Variants in SNTG1 observed in about 807,000 individuals in gnomAD.
The protein encoded by SNTG1 is syntrophin gamma 1, also known as gamma-1-syntrophin.
SNTG1 carries 39 observed loss-of-function variants against 74.7 expected under a neutral mutation model. That is an observed-to-expected ratio of 0.52 (90% CI 0.40 to 0.68). The LOEUF is 0.68. SNTG1 is among the 30% of genes least tolerant of loss of function. The pLI is 0.00. For missense variants in SNTG1, 685 were observed against 609.5 expected, an observed-to-expected ratio of 1.12 and a Z score of -1.30; for synonymous variants, 254 against 217.1, an observed-to-expected ratio of 1.17 and a Z score of -1.49.
Position 50,264,857 on chromosome 8 carries a change from CTA to C in SNTG1, c.-28+92224_-28+92225del, listed in dbSNP as rs948151808. On this transcript the variant is annotated intron_variant, in intron 2 of 18. Transcript: ENST00000642720. ...AGGTAAGAGAATACTATAAAAAACT[CTA>C]TGTCAACAAATTAGATAATTTAGAT... Among the ~76,000 whole-genome samples, 35 of 152,016 alleles carry C rather than the reference CTA, an allele frequency of 2.3e-4. No individual in the cohort carries two copies. In the South Asian group the frequency reaches 4.2e-3, roughly 18 times the overall value.
intron 12 of SNTG1, among the ~76,000 whole-genome samples, chr8:50,565,943 G>A (rs1453021850): frequency 1.3e-5 from 2 of 151,830 alleles, no homozygotes; most frequent in Admixed American, 1.3e-4. Context: ...AAAGTAAAGA[G>A]ATACAATCAT....
intron 1 of SNTG1, among the ~76,000 whole-genome samples, chr8:49,981,259 G>A (rs1277341203): frequency 1.3e-5 from 2 of 152,050 alleles, no homozygotes; most frequent in African/African-American, 2.4e-5. Context: ...GGAGAGACGG[G>A]AAAAAATAAA....
chr8:50,222,091 G>T (rs543102966), intron 2 of SNTG1, among the ~76,000 whole-genome samples: 173 of 152,266 alleles, frequency 1.1e-3, no homozygotes, highest in Non-Finnish European at 1.7e-3. Flanking sequence ...TGAGTGGAGA[G>T]TTGCAGGCAA....
rs188968619 is a variant in SNTG1, at chr8:50,736,063, G to T, written c.1285-15938G>T. ...GAGAAATAAAATCTTTTACAAACAA[G>T]CAAATGCTGAGAGATTTTGTCACCA... On this transcript the variant is annotated intron_variant, in intron 17 of 18. Coordinates refer to ENST00000642720, the MANE Select transcript of SNTG1 (RefSeq NM_018967.5). Among the ~76,000 whole-genome samples, 414 of 149,196 alleles carry T rather than the reference G, an allele frequency of 2.8e-3. 4 individuals are homozygous for T. Among genetic ancestry groups the T allele is most frequent in the Admixed American group, 0.025 (379 of 15,074 alleles).
At chr8:50,262,567 C>G (rs796254113) in intron 2 of SNTG1, among the ~76,000 whole-genome samples, 1 of 152,052 alleles carries the variant, frequency 6.6e-6, no homozygotes, top group African/African-American at 2.4e-5. Context: ...CACCACCACG[C>G]CCAGCTAATT....
intron 4 of SNTG1, among the ~76,000 whole-genome samples, chr8:50,418,504 C>A (rs1446502881): frequency 4.6e-5 from 7 of 151,950 alleles, no homozygotes; most frequent in Non-Finnish European, 1.0e-4. Flanking sequence ...TTACTTTTTG[C>A]ACTTGCTCTT....
At chr8:50,475,245 T>TAAA (rs1190702566) in intron 8 of SNTG1, among the ~76,000 whole-genome samples, 1 of 150,410 alleles carries the variant, frequency 6.6e-6, no homozygotes, top group African/African-American at 2.4e-5. Flanking sequence ...ATAATAATAA[T>TAAA]AAAAAAGAGC....
intron 13 of SNTG1, among the ~76,000 whole-genome samples, chr8:50,647,495 A>G (rs2131211451): frequency 6.6e-6 from 1 of 151,880 alleles, no homozygotes; most frequent in South Asian, 2.1e-4. Flanking sequence ...CAAATGGCAA[A>G]TCAGTTTCAT....
intron 8 of SNTG1, among the ~76,000 whole-genome samples, chr8:50,479,176 A>C (rs772595778): frequency 6.6e-6 from 1 of 152,172 alleles, no homozygotes; most frequent in Non-Finnish European, 1.5e-5. Flanking sequence ...TAACAAGTAC[A>C]TGCCATTTGA....
chr8:50,434,379 A>G (rs2093278130), intron 4 of SNTG1, among the ~76,000 whole-genome samples: 1 of 152,178 alleles, frequency 6.6e-6, no homozygotes, highest in Admixed American at 6.5e-5. Context: ...TAGCAGCATG[A>G]TTTATAATCC....
At chr8:50,192,942 C>T (rs927028484) in intron 2 of SNTG1, among the ~76,000 whole-genome samples, 1 of 151,940 alleles carries the variant, frequency 6.6e-6, no homozygotes, top group Non-Finnish European at 1.5e-5. Context: ...TTTGCTTTGT[C>T]GAAGATCAGT....
At chr8:50,327,929 T>C (rs1205462989) in intron 2 of SNTG1, among the ~76,000 whole-genome samples, 1 of 152,170 alleles carries the variant, frequency 6.6e-6, no homozygotes, top group African/African-American at 2.4e-5. Context: ...ATAGTTCAAA[T>C]ACCTTCTAAT....
At chr8:50,543,090 A>G (rs2094360136) in intron 11 of SNTG1, among the ~76,000 whole-genome samples, 1 of 152,058 alleles carries the variant, frequency 6.6e-6, no homozygotes, top group Non-Finnish European at 1.5e-5. Context: ...GTTTGATGTA[A>G]TAACATTTGT....
At position 50,006,822 on chromosome 8, in the gene SNTG1, T is replaced by C. The variant is rs114552673; in HGVS notation, c.-103+94591T>C. ...ACTAAGAACATTTCCAGCCTCGTGCTTGTCAAGCTACGTCTGCCAGTTGAA... is the reference window on the plus strand; with the variant it reads ...ACTAAGAACATTTCCAGCCTCGTGCCTGTCAAGCTACGTCTGCCAGTTGAA... On this transcript the variant is annotated intron_variant, in intron 1 of 18. Coordinates refer to ENST00000642720, the MANE Select transcript of SNTG1 (RefSeq NM_018967.5). Among the ~76,000 whole-genome samples, 1,225 of 152,290 alleles carry C rather than the reference T, an allele frequency of 8.0e-3. 22 individuals carry two copies. The highest frequency in any genetic ancestry group is 0.028 in the African/African-American group (1,151 of 41,562).
intron 18 of SNTG1, among the ~76,000 whole-genome samples, chr8:50,778,169 G>T (rs904170719): frequency 3.1e-4 from 47 of 152,286 alleles, no homozygotes; most frequent in African/African-American, 8.9e-4. Context: ...ACATACGTGT[G>T]CATGTATTTT....
intron 13 of SNTG1, among the ~76,000 whole-genome samples, chr8:50,628,540 A>AT (rs148593727): frequency 0.038 from 5,690 of 150,364 alleles, 173 homozygotes; most frequent in African/African-American, 0.076. Flanking sequence ...TTTTACTTCC[A>AT]TTTTTTTTCT....
At chr8:50,496,048 A>AAAG (rs2093901270) in intron 8 of SNTG1, among the ~76,000 whole-genome samples, 1 of 152,228 alleles carries the variant, frequency 6.6e-6, no homozygotes, top group African/African-American at 2.4e-5. Flanking sequence ...AGTGAACAGT[A>AAAG]AAGTGTGTTA....
At chr8:50,620,314 G>A (rs1402981047) in intron 13 of SNTG1, among the ~76,000 whole-genome samples, 1 of 152,156 alleles carries the variant, frequency 6.6e-6, no homozygotes, top group Non-Finnish European at 1.5e-5. Context: ...TCACGTCTCT[G>A]ATGGATTCTT....
At chr8:50,503,905 C>T (rs1010311977) in intron 9 of SNTG1, among the ~76,000 whole-genome samples, 1 of 152,014 alleles carries the variant, frequency 6.6e-6, no homozygotes, top group African/African-American at 2.4e-5. Flanking sequence ...CATAGGTAAA[C>T]TTTTGTCATG....
Sources: allele counts gnomAD v4.1 joint callset (sites outside exome capture counted in the v4.1 genomes callset), GRCh38; gene constraint gnomAD v4.1.1; transcripts MANE v1.5; gene names NCBI Gene and HGNC (gene_info 2026-07-23, HGNC 2026-07-21).